HTRA1: variants seen among roughly 807,000 people sequenced by gnomAD.
HTRA1 encodes serine protease HTRA1.
In HTRA1, 26 loss-of-function variants were observed where a neutral mutation model predicts 49.7. That is an observed-to-expected ratio of 0.52 (90% CI 0.38 to 0.73). The LOEUF is 0.73. Ranked by LOEUF, HTRA1 falls within the 30% of genes least tolerant of loss-of-function variation. The pLI, the probability that HTRA1 is intolerant of heterozygous loss-of-function variation, is 0.00. For missense variants in HTRA1, 561 were observed against 667.2 expected (o/e 0.84, Z 1.75); for synonymous variants, 291 against 286.9 (o/e 1.01, Z -0.14).
intron 4 of HTRA1, among the ~76,000 whole-genome samples, 200 bp downstream of exon 4, chr10:122,507,085 A>G (rs2097503380): frequency 6.6e-6 from 1 of 152,192 alleles, no homozygotes; most frequent in South Asian, 2.1e-4. Context: ...GTGGACAGCC[A>G]GCCTCCTCCC....
Position 122,474,902 on chromosome 10 carries a change from C to T in HTRA1, c.472+12778C>T, listed in dbSNP as rs561379879. Among the ~76,000 whole-genome samples, 6 of 152,010 alleles carry T rather than the reference C, an allele frequency of 3.9e-5. No homozygotes were observed. In the South Asian group the frequency reaches 6.2e-4, roughly 16 times the overall value. On this transcript the variant is annotated intron_variant, in intron 1 of 8. Transcript: ENST00000368984. ...AAAACACAATTTTTTTTTTCTTTGC[C>T]AGTGAGTCTGAAAAGTGATTTTCAA...
rs1373364967 is a variant in HTRA1 at position 122,490,705 on chromosome 10, A to G, written c.777+1079A>G. ...CTGGGTGTGGGCTGAGTAATTCCAG[A>G]CAAGCGTGGAATTAATCTGGCTGTT... On this transcript the variant is annotated intron_variant, in intron 3 of 8. Transcript: ENST00000368984. The surrounding 1 kb of genome is among the most constrained non-coding windows in gnomAD (Gnocchi z 4.2). Among the ~76,000 whole-genome samples the G allele has an allele frequency of 1.3e-5, 2 of 152,120 alleles. No homozygotes were observed. The highest frequency in any genetic ancestry group is 2.4e-5 in the African/African-American group (1 of 41,416).
At chr10:122,471,749 C>T (rs1288849769) in intron 1 of HTRA1, among the ~76,000 whole-genome samples, 1 of 152,212 alleles carries the variant, frequency 6.6e-6, no homozygotes, top group African/African-American at 2.4e-5. Flanking sequence ...TCCTGAGACC[C>T]AGGGCTGAGC....
chr10:122,502,272 G>A (rs2097501217), intron 3 of HTRA1, among the ~76,000 whole-genome samples: 1 of 152,130 alleles, frequency 6.6e-6, no homozygotes, highest in African/African-American at 2.4e-5. Flanking sequence ...TCTCTTTCAC[G>A]GAGGCAATGT....
rs72834481 is a variant in HTRA1 at position 122,497,942 on chromosome 10, G to A, written c.777+8316G>A. Among the ~76,000 whole-genome samples, 271 of 152,258 alleles carry A rather than the reference G, an allele frequency of 1.8e-3. 1 individual carries two copies. Among genetic ancestry groups the A allele is most frequent in the Non-Finnish European group, 3.3e-3 (225 of 68,026 alleles). ...CCAAGACAATATTATTCCTCCTCTG[G>A]ATGCCCCGAATATATACAGTCATTA... On this transcript the variant is annotated intron_variant, in intron 3 of 8. Transcript: ENST00000368984.
chr10:122,507,368 A>G lies in HTRA1; in HGVS notation c.973-2A>G, dbSNP rs1274165206. 3 of 1,610,676 alleles carry G rather than the reference A, an allele frequency of 1.9e-6. No individual in the cohort carries two copies. The highest frequency in any genetic ancestry group is 2.5e-6 in the Non-Finnish European group (3 of 1,176,822). On this transcript the variant is annotated splice_acceptor_variant, in intron 4 of 8. Coordinates refer to ENST00000368984, the MANE Select transcript of HTRA1 (RefSeq NM_002775.5). LOFTEE classifies it high-confidence loss of function. ...AACCTTTTCATTTCTGTTTAATTGCAGTATGGAAACTCGGGAGGCCCGTTA... is the reference window on the plus strand; with the variant it reads ...AACCTTTTCATTTCTGTTTAATTGCGGTATGGAAACTCGGGAGGCCCGTTA...
At chr10:122,498,029 A>G (rs887171289) in intron 3 of HTRA1, among the ~76,000 whole-genome samples, 2 of 152,196 alleles carry the variant, frequency 1.3e-5, no homozygotes, top group Admixed American at 1.3e-4. Flanking sequence ...AGAGTAAGGG[A>G]ATATTGGAAA....
chr10:122,508,582 G>A (rs1184272663), intron 5 of HTRA1, 74 bp from the exon 6 acceptor site: 1 of 943,372 alleles, frequency 1.1e-6, no homozygotes, highest in East Asian at 2.4e-5. Context: ...CTTCTTTCAG[G>A]CATATTCTCT....
At chr10:122,473,639 T>C (rs2097487140) in intron 1 of HTRA1, among the ~76,000 whole-genome samples, 1 of 152,242 alleles carries the variant, frequency 6.6e-6, no homozygotes, top group South Asian at 2.1e-4. Flanking sequence ...TACAATTTGC[T>C]GTTCTTATAT....
At chr10:122,498,271 T>C (rs1324809891) in intron 3 of HTRA1, among the ~76,000 whole-genome samples, 1 of 152,094 alleles carries the variant, frequency 6.6e-6, no homozygotes, top group African/African-American at 2.4e-5. Flanking sequence ...CTCCTGTCCA[T>C]TCTACCTTCT....
chr10:122,489,521 C>G lies in HTRA1; in HGVS notation c.672C>G (p.Asn224Lys). 2.5e-6 allele frequency: 4 copies of G among 1,614,188 alleles called. No homozygotes were observed. Among genetic ancestry groups the G allele is most frequent in the Non-Finnish European group, 3.4e-6 (4 of 1,180,028 alleles). ...LIVTNAHVVT[N>K]KHRVKVELKN... ...TGACAAATGCCCACGTGGTGACCAACAAGCACCGGGTCAAAGTTGAGCTGA... is the reference window on the plus strand; with the variant it reads ...TGACAAATGCCCACGTGGTGACCAAGAAGCACCGGGTCAAAGTTGAGCTGA... The change falls in exon 3 of 9, where the codon AAC becomes AAG. Residue 224 changes from asparagine to lysine, a missense_variant. Transcript: ENST00000368984.
chr10:122,485,802 T>C (rs1049815085), intron 1 of HTRA1, among the ~76,000 whole-genome samples: 1 of 152,228 alleles, frequency 6.6e-6, no homozygotes, highest in African/African-American at 2.4e-5. Context: ...TTAATGATCC[T>C]TAGTGGGAAG....
intron 5 of HTRA1, 38 bp downstream of exon 5, chr10:122,507,440 T>TA (rs1164646579): frequency 1.4e-6 from 2 of 1,469,020 alleles, no homozygotes; most frequent in East Asian, 2.3e-5. Context: ...CATTTGTTTT[T>TA]ATCTATGTAT....
chr10:122,479,233 G>A (rs2097489925), intron 1 of HTRA1, among the ~76,000 whole-genome samples: 1 of 152,236 alleles, frequency 6.6e-6, no homozygotes, highest in African/African-American at 2.4e-5. Flanking sequence ...CACCGAGTGT[G>A]AAGCATGTTC....
At chr10:122,468,402 GTCATCATCATCATCATCATCA>G (rs148200348) in intron 1 of HTRA1, among the ~76,000 whole-genome samples, 5 of 148,546 alleles carry the variant, frequency 3.4e-5, no homozygotes, top group East Asian at 2.0e-4. Context: ...TGTTGTCATT[GTCATCATCATCATCATCATCA>G]TCATCATCAT....
At position 122,488,866 on chromosome 10, in the gene HTRA1, T is replaced by G. The variant is rs369998449; in HGVS notation, c.473-36T>G. On this transcript the variant is annotated intron_variant, in intron 1 of 8. Coordinates refer to ENST00000368984, the MANE Select transcript of HTRA1 (RefSeq NM_002775.5). ...CTTTCTCTAGGTGGCCACAGCAGAG[T>G]GTCATTAAGTATCTATTCTTTGCTT... The G allele has an allele frequency of 1.7e-5, 26 of 1,508,534 alleles. No individual in the cohort carries two copies. In the South Asian group the frequency reaches 2.9e-4, roughly 17 times the overall value. The allele number at this position is 1,508,534 out of a possible 1,614,324, so 93.4% of individuals were successfully genotyped here.
At chr10:122,491,644 C>T (rs1220457872) in intron 3 of HTRA1, among the ~76,000 whole-genome samples, 4 of 152,236 alleles carry the variant, frequency 2.6e-5, no homozygotes, top group South Asian at 2.1e-4. Context: ...ACTGTCTCCT[C>T]GTGCCATCCC....
chr10:122,470,762 G>A lies in HTRA1; in HGVS notation c.472+8638G>A, dbSNP rs1591025389. Among the ~76,000 whole-genome samples the A allele has an allele frequency of 2.6e-5, 4 of 152,210 alleles. No individual in the cohort carries two copies. In the South Asian group the frequency reaches 6.2e-4, roughly 24 times the overall value. On this transcript the variant is annotated intron_variant, in intron 1 of 8. Transcript: ENST00000368984. The stretch of plus-strand genomic sequence containing the variant: ...AAGCTGTAAGAGATTAGGACCTCTA[G>A]TTGGCAATTCCAGACTCTTCCAGGA...
chr10:122,477,424 C>T (rs1314418535), intron 1 of HTRA1, among the ~76,000 whole-genome samples: 1 of 152,176 alleles, frequency 6.6e-6, no homozygotes, highest in Non-Finnish European at 1.5e-5. Flanking sequence ...TTCTGGACCT[C>T]CCAAAAGCTG....
Sources: gnomAD v4.1 joint callset for allele counts (sites outside exome capture counted in the v4.1 genomes callset) on GRCh38, gnomAD v4.1.1 for gene constraint, Gnocchi (gnomAD v3.1) non-coding constraint, MANE v1.5 for transcripts, NCBI Gene and HGNC (gene_info 2026-07-23, HGNC 2026-07-21) for gene names.